Variants in LRMDA observed in about 807,000 individuals in gnomAD.
LRMDA encodes leucine rich melanocyte differentiation associated.
In LRMDA, 18 loss-of-function variants were observed where a neutral mutation model predicts 29.8. That is an observed-to-expected ratio of 0.60 (90% CI 0.42 to 0.90). The LOEUF (loss-of-function observed/expected upper bound fraction) is 0.90, where lower values mean the gene tolerates loss of function less well. Ranked by LOEUF, LRMDA falls within the 40% of genes least tolerant of loss-of-function variation. LRMDA has a pLI of 0.00. For missense variants in LRMDA, 273 were observed against 273.9 expected, an observed-to-expected ratio of 1.00 and a Z score of 0.02; for synonymous variants, 125 against 109.4, an observed-to-expected ratio of 1.14 and a Z score of -0.89.
intron 2 of LRMDA, among the ~76,000 whole-genome samples, chr10:75,872,700 C>CTT (rs1353893279): frequency 6.6e-6 from 1 of 152,154 alleles, no homozygotes; most frequent in East Asian, 1.9e-4. Flanking sequence ...ATACATGCTT[C>CTT]TTACAGTATT....
At chr10:76,070,604 C>T (rs974305611) in intron 5 of LRMDA, among the ~76,000 whole-genome samples, 11 of 152,202 alleles carry the variant, frequency 7.2e-5, no homozygotes, top group Non-Finnish European at 1.2e-4. Flanking sequence ...AGAGCTTGAA[C>T]GTGTGAATTT....
chr10:76,090,741 T>C (rs1314514502), intron 5 of LRMDA, among the ~76,000 whole-genome samples: 1 of 152,194 alleles, frequency 6.6e-6, no homozygotes, highest in Non-Finnish European at 1.5e-5. Context: ...GGATGAAACT[T>C]GAAGCCATTG....
chr10:75,434,904 T>A (rs1844247406), intron 1 of LRMDA, among the ~76,000 whole-genome samples: 1 of 152,196 alleles, frequency 6.6e-6, no homozygotes, highest in Non-Finnish European at 1.5e-5. Flanking sequence ...AAACCTGCAG[T>A]CTTCTGCAGT....
intron 2 of LRMDA, among the ~76,000 whole-genome samples, chr10:75,491,587 C>T (rs962398243): frequency 6.6e-6 from 1 of 152,148 alleles, no homozygotes; most frequent in African/African-American, 2.4e-5. Context: ...CACAAGGGCC[C>T]CAAGTTGGGT....
chr10:75,756,958 G>A (rs764459165), intron 2 of LRMDA, among the ~76,000 whole-genome samples: 2 of 152,176 alleles, frequency 1.3e-5, no homozygotes, highest in Non-Finnish European at 2.9e-5. Flanking sequence ...TTTGTGTCAT[G>A]TATTAGTCTT....
chr10:75,748,809 C>T (rs1265597038), intron 2 of LRMDA, among the ~76,000 whole-genome samples: 1 of 152,098 alleles, frequency 6.6e-6, no homozygotes, highest in Non-Finnish European at 1.5e-5. Context: ...CTCCTATCTT[C>T]TAAAATAAAA....
chr10:75,499,362 T>TA (rs1845086128), intron 2 of LRMDA, among the ~76,000 whole-genome samples: 1 of 152,176 alleles, frequency 6.6e-6, no homozygotes, highest in Non-Finnish European at 1.5e-5. Context: ...ATATGTGGAC[T>TA]AGTGAAGAGA....
intron 5 of LRMDA, among the ~76,000 whole-genome samples, chr10:76,259,126 G>T (rs1839903031): frequency 6.6e-6 from 1 of 151,946 alleles, no homozygotes; most frequent in African/African-American, 2.4e-5. Context: ...ACCAACATTT[G>T]TTATTTTTTA....
At chr10:75,494,515 C>CTTTT (rs34902194) in intron 2 of LRMDA, among the ~76,000 whole-genome samples, 5,803 of 102,578 alleles carry the variant, frequency 0.057, 375 homozygotes, top group Middle Eastern at 0.082. Flanking sequence ...ATGTTTGTTC[C>CTTTT]TTTTTTTTTT....
At chr10:75,738,638 A>G (rs1480623923) in intron 2 of LRMDA, among the ~76,000 whole-genome samples, 1 of 152,194 alleles carries the variant, frequency 6.6e-6, no homozygotes, top group African/African-American at 2.4e-5. Flanking sequence ...TGAGATGCTA[A>G]GTTTAGGTTT....
At chr10:76,002,220 G>A (rs1294737582) in intron 2 of LRMDA, among the ~76,000 whole-genome samples, 1 of 152,180 alleles carries the variant, frequency 6.6e-6, no homozygotes, top group South Asian at 2.1e-4. Context: ...CCAGTCCCAT[G>A]ATGAGGGTCT....
chr10:75,919,351 T>G (rs562895896), intron 2 of LRMDA, among the ~76,000 whole-genome samples: 1 of 152,222 alleles, frequency 6.6e-6, no homozygotes, highest in Non-Finnish European at 1.5e-5. Context: ...TGCAAATTTT[T>G]ATTCTTGGCA....
chr10:76,374,926 G>T (rs1841497956), intron 6 of LRMDA, among the ~76,000 whole-genome samples: 1 of 152,144 alleles, frequency 6.6e-6, no homozygotes, highest in South Asian at 2.1e-4. Flanking sequence ...AGATTTTAAT[G>T]AAACTGTAGA....
chr10:75,535,746 A>T (rs1055393806), intron 2 of LRMDA, among the ~76,000 whole-genome samples: 2 of 152,176 alleles, frequency 1.3e-5, no homozygotes, highest in African/African-American at 2.4e-5. Context: ...TTTTGGATAA[A>T]GTTGAAGTGG....
chr10:75,509,671 C>T (rs1361132317), intron 2 of LRMDA, among the ~76,000 whole-genome samples: 1 of 152,200 alleles, frequency 6.6e-6, no homozygotes, highest in Non-Finnish European at 1.5e-5. Flanking sequence ...ACTATCCTTT[C>T]CACTTCATTA....
At chr10:75,770,298 A>G (rs984363575) in intron 2 of LRMDA, among the ~76,000 whole-genome samples, 1 of 152,218 alleles carries the variant, frequency 6.6e-6, no homozygotes, top group East Asian at 1.9e-4. Flanking sequence ...CTCTTAAAAA[A>G]GAATTAATTT....
chr10:76,495,202 T>C (rs568522903), intron 6 of LRMDA, among the ~76,000 whole-genome samples: 20 of 151,576 alleles, frequency 1.3e-4, no homozygotes, highest in Non-Finnish European at 1.9e-4. Flanking sequence ...GAGGTTCTTT[T>C]CATTTCTTAT....
intron 6 of LRMDA, among the ~76,000 whole-genome samples, chr10:76,543,698 T>C (rs960326112): frequency 6.6e-6 from 1 of 152,152 alleles, no homozygotes; most frequent in Admixed American, 6.5e-5. Context: ...GCAGTACTCC[T>C]AGAGAGCCTC....
intron 5 of LRMDA, among the ~76,000 whole-genome samples, chr10:76,106,483 C>T (rs747217271): frequency 2.0e-5 from 3 of 152,170 alleles, no homozygotes; most frequent in African/African-American, 7.2e-5. Context: ...ATCCCTGTAT[C>T]ATTTCCCCAT....
Sources: gnomAD v4.1 joint callset for allele counts (sites outside exome capture counted in the v4.1 genomes callset) on GRCh38, gnomAD v4.1.1 for gene constraint, MANE v1.5 for transcripts, NCBI Gene and HGNC (gene_info 2026-07-23, HGNC 2026-07-21) for gene names.